The following UFL1 variants were observed in gnomAD, a reference collection of about 807,000 sequenced individuals.
UFL1 encodes the protein UFM1 specific ligase 1.
Under a neutral mutation model 99.3 loss-of-function variants are expected in UFL1, and 78 were observed. The ratio of observed to expected loss-of-function variants is 0.79; its 90% CI spans 0.65 to 0.95. The LOEUF (loss-of-function observed/expected upper bound fraction) is 0.95, where lower values mean the gene tolerates loss of function less well. Among genes scored for constraint, UFL1 ranks in the 40% least tolerant of loss-of-function variants. The pLI is 0.00. For missense variants in UFL1, 936 were observed against 937.0 expected (o/e 1.00, Z 0.01); for synonymous variants, 335 against 322.2 (o/e 1.04, Z -0.42).
chr6:96,527,351 A>G (rs4598081), intron 5 of UFL1, among the ~76,000 whole-genome samples: 89,574 of 151,980 alleles, frequency 0.59, 27,123 homozygotes, highest in Admixed American at 0.69. Flanking sequence ...CTAGTGAAAT[A>G]TCTTAACACA....
chr6:96,531,749 T>C (rs1400936589), intron 6 of UFL1, among the ~76,000 whole-genome samples: 1 of 152,248 alleles, frequency 6.6e-6, no homozygotes, highest in Non-Finnish European at 1.5e-5. Flanking sequence ...TGACTAATTA[T>C]TGTGGTGATG....
chr6:96,526,492 A>G, intron 5 of UFL1, 57 bp downstream of exon 5: 1 of 1,390,850 alleles, frequency 7.2e-7, no homozygotes, highest in East Asian at 2.3e-5. Context: ...TTAAACGAAG[A>G]CTTTGAATGG....
chr6:96,538,466 G>A (rs982249725), intron 9 of UFL1, among the ~76,000 whole-genome samples, 165 bp from the exon 10 acceptor site: 32 of 151,654 alleles, frequency 2.1e-4, no homozygotes, highest in African/African-American at 7.3e-4. Context: ...GCTCAGAGTG[G>A]TGATGAAACC....
At position 96,540,631 on chromosome 6, in the gene UFL1, G is replaced by T; in HGVS notation, c.1255G>T (p.Asp419Tyr). The T allele has an allele frequency of 6.3e-7, 1 of 1,599,108 alleles. No homozygotes were observed. The highest frequency in any genetic ancestry group is 8.5e-7 in the Non-Finnish European group (1 of 1,174,352). ...SVSTSKKDKKDERRRKATEGS... is the reference protein window; with the variant it reads ...SVSTSKKDKKYERRRKATEGS... ...TAGTACAAGTAAAAAGGATAAAAAA[G>T]ATGAGCGAAGAAGGAAAGCAACAGG... The change falls in exon 11 of 19, where the codon GAT becomes TAT. Residue 419 changes from aspartate (D) to tyrosine (Y), a missense_variant. By Grantham distance (160) the Asp-to-Tyr change is radical (BLOSUM62 -3). Coordinates refer to ENST00000369278, the MANE Select transcript of UFL1 (RefSeq NM_015323.5).
intron 1 of UFL1, among the ~76,000 whole-genome samples, chr6:96,522,666 C>G (rs1769635619): frequency 6.6e-6 from 1 of 152,164 alleles, no homozygotes; most frequent in African/African-American, 2.4e-5. Flanking sequence ...GCATGGGTAA[C>G]TAACGTGGGT....
intron 12 of UFL1, among the ~76,000 whole-genome samples, chr6:96,546,984 T>G (rs1008306611): frequency 1.3e-5 from 2 of 151,406 alleles, no homozygotes; most frequent in African/African-American, 4.8e-5. Flanking sequence ...AACCAAAAAT[T>G]GACACATAGG....
chr6:96,530,683 TC>T (rs1769770800), intron 6 of UFL1, among the ~76,000 whole-genome samples: 1 of 152,194 alleles, frequency 6.6e-6, no homozygotes, highest in Non-Finnish European at 1.5e-5. Flanking sequence ...CCCCCATCAT[TC>T]TTGAAACTTT....
chr6:96,546,943 A>C (rs1295874066), intron 12 of UFL1, among the ~76,000 whole-genome samples: 1 of 151,666 alleles, frequency 6.6e-6, no homozygotes, highest in Non-Finnish European at 1.5e-5. Flanking sequence ...CAAAGAATTT[A>C]TGATAAAAAT....
At chr6:96,534,176 T>A (rs1769821581) in intron 6 of UFL1, 87 bp from the exon 7 acceptor site, 7 of 877,794 alleles carry the variant, frequency 8.0e-6, no homozygotes, top group Non-Finnish European at 1.1e-5. Context: ...GTATTTTTCT[T>A]AAATTCTAAT....
At position 96,528,784 on chromosome 6, in the gene UFL1, A is replaced by G. The variant is rs189863681; in HGVS notation, c.596+152A>G. ...GATAAAAGGGCAGCTTTTGTAAAAT[A>G]GAAATTGAGATTCCAGAGTTCTAGA... On this transcript the variant is annotated intron_variant, in intron 6 of 18. Coordinates refer to ENST00000369278, the MANE Select transcript of UFL1 (RefSeq NM_015323.5). The G allele has an allele frequency of 9.6e-6, 10 of 1,042,622 alleles. No homozygotes were observed. The African/African-American group carries it at 1.3e-4, about 13-fold the overall frequency. 64.6% of individuals were successfully genotyped at this position (1,042,622 alleles called of 1,614,324 possible).
chr6:96,523,319 T>C (rs1209684116), intron 2 of UFL1, 28 bp downstream of exon 2: 1 of 1,551,286 alleles, frequency 6.4e-7, no homozygotes, highest in Middle Eastern at 1.9e-4. Context: ...GTTTTTTTTT[T>C]TCTTGGATTT....
At chr6:96,522,196 C>G (rs747146758) in intron 1 of UFL1, among the ~76,000 whole-genome samples, 1 of 152,164 alleles carries the variant, frequency 6.6e-6, no homozygotes, top group Non-Finnish European at 1.5e-5. Flanking sequence ...GCGCGCCCCG[C>G]CCCACCATGG....
At chr6:96,525,839 A>G (rs931633864) in intron 4 of UFL1, among the ~76,000 whole-genome samples, 15 of 152,122 alleles carry the variant, frequency 9.9e-5, no homozygotes, top group Non-Finnish European at 1.8e-4. Flanking sequence ...AATGTTAATG[A>G]AAATCAAATA....
intron 2 of UFL1, 125 bp downstream of exon 2, chr6:96,523,416 T>C (rs1471577625): frequency 2.0e-5 from 21 of 1,061,942 alleles, no homozygotes; most frequent in Non-Finnish European, 2.3e-5. Context: ...TTTCAATTGT[T>C]AATTTGATAA....
chr6:96,543,265 A>G (rs570156367), intron 12 of UFL1, among the ~76,000 whole-genome samples: 1 of 151,312 alleles, frequency 6.6e-6, no homozygotes, highest in East Asian at 1.9e-4. Flanking sequence ...GTAGCTCTTC[A>G]GTCCACAAAT....
At chr6:96,526,637 G>A (rs1769708027) in intron 5 of UFL1, among the ~76,000 whole-genome samples, 1 of 152,148 alleles carries the variant, frequency 6.6e-6, no homozygotes, top group East Asian at 1.9e-4. Context: ...GTTTAAAAAT[G>A]ATTGTAATCA....
At chr6:96,539,870 T>G (rs1769905794) in intron 10 of UFL1, among the ~76,000 whole-genome samples, 1 of 151,520 alleles carries the variant, frequency 6.6e-6, no homozygotes, top group Non-Finnish European at 1.5e-5. Context: ...TCATGTGAAC[T>G]GTCAATATTT....
At chr6:96,541,819 T>C (rs928557589) in intron 11 of UFL1, among the ~76,000 whole-genome samples, 2 of 151,272 alleles carry the variant, frequency 1.3e-5, no homozygotes, top group African/African-American at 4.8e-5. Flanking sequence ...TTAATTACAG[T>C]GTGTGGAATC....
intron 7 of UFL1, 52 bp from the exon 8 acceptor site, chr6:96,536,192 T>A: frequency 6.7e-7 from 1 of 1,490,352 alleles, no homozygotes; most frequent in Non-Finnish European, 9.1e-7. Context: ...TTTTACTTTT[T>A]AAGATTTATA....
Sources: allele counts gnomAD v4.1 joint callset (sites outside exome capture counted in the v4.1 genomes callset), GRCh38; gene constraint gnomAD v4.1.1; transcripts MANE v1.5; gene names NCBI Gene and HGNC (gene_info 2026-07-23, HGNC 2026-07-21).